GFRA1: variants seen among roughly 807,000 people sequenced by gnomAD.
The protein encoded by GFRA1 is GDNF family receptor alpha 1.
A neutral mutation model predicts 51.6 loss-of-function variants in GFRA1; 16 were observed. The observed-to-expected ratio is 0.31, with a 90% CI of 0.21 to 0.47. The LOEUF (loss-of-function observed/expected upper bound fraction) is 0.47. Ranked by LOEUF, GFRA1 falls within the 20% of genes least tolerant of loss-of-function variation. The pLI is 1.00. For synonymous variants in GFRA1, 270 were observed against 241.3 expected (o/e 1.12, Z -1.10); for missense variants, 530 against 594.3 (o/e 0.89, Z 1.13).
At chr10:116,088,360 T>C (rs1444620233) in intron 9 of GFRA1, among the ~76,000 whole-genome samples, 1 of 152,108 alleles carries the variant, frequency 6.6e-6, no homozygotes, top group Non-Finnish European at 1.5e-5. Context: ...GCTTGGCACA[T>C]AGGCCACCAA....
intron 6 of GFRA1, among the ~76,000 whole-genome samples, chr10:116,111,797 A>G (rs1315106096): frequency 6.6e-6 from 1 of 152,210 alleles, no homozygotes; most frequent in African/African-American, 2.4e-5. Flanking sequence ...TCATGAATAG[A>G]AAACAAATCC....
intron 6 of GFRA1, among the ~76,000 whole-genome samples, chr10:116,123,081 G>A (rs796918472): frequency 2.0e-5 from 3 of 152,190 alleles, no homozygotes; most frequent in East Asian, 1.9e-4. Flanking sequence ...GCTGGACCCC[G>A]AGCAAAGCTC....
At chr10:116,192,907 T>A (rs1311823250) in intron 5 of GFRA1, among the ~76,000 whole-genome samples, 2 of 152,174 alleles carry the variant, frequency 1.3e-5, no homozygotes. Flanking sequence ...CTATACTTTA[T>A]GCTTCCTTTG....
At chr10:116,173,971 T>C (rs1470658800) in intron 5 of GFRA1, among the ~76,000 whole-genome samples, 1 of 151,982 alleles carries the variant, frequency 6.6e-6, no homozygotes, top group Non-Finnish European at 1.5e-5. Flanking sequence ...TCCCAGCTAC[T>C]TGGGAGGCTG....
At chr10:116,230,950 G>A (rs76967914) in intron 4 of GFRA1, among the ~76,000 whole-genome samples, 3,971 of 152,260 alleles carry the variant, frequency 0.026, 73 homozygotes, top group South Asian at 0.045. Context: ...TCTTAGGAGA[G>A]AAGAGAATGA....
intron 6 of GFRA1, among the ~76,000 whole-genome samples, chr10:116,100,558 A>T (rs1956779524): frequency 6.6e-6 from 1 of 152,234 alleles, no homozygotes; most frequent in African/African-American, 2.4e-5. Flanking sequence ...GAGGTCTTGA[A>T]AGCCTTTGAA....
intron 4 of GFRA1, among the ~76,000 whole-genome samples, chr10:116,220,979 G>T (rs1965884463): frequency 6.6e-6 from 1 of 152,064 alleles, no homozygotes; most frequent in Non-Finnish European, 1.5e-5. Flanking sequence ...TAACTAAGCT[G>T]AAAGGACCAT....
chr10:116,165,185 A>C (rs909770215), intron 5 of GFRA1, among the ~76,000 whole-genome samples: 2 of 152,162 alleles, frequency 1.3e-5, no homozygotes, highest in African/African-American at 4.8e-5. Context: ...CTTAAGTCTC[A>C]TTCTGCCTTT....
intron 5 of GFRA1, among the ~76,000 whole-genome samples, chr10:116,196,910 T>A (rs905870406): frequency 1.4e-5 from 2 of 147,994 alleles, no homozygotes; most frequent in African/African-American, 5.0e-5. Context: ...AGGAGGGCCA[T>A]GCTGAAGGTT....
intron 4 of GFRA1, among the ~76,000 whole-genome samples, chr10:116,240,605 A>T (rs973614626): frequency 6.6e-6 from 1 of 152,206 alleles, no homozygotes. Flanking sequence ...GTGGGAAATG[A>T]CTAGAAAGGA....
At chr10:116,152,763 A>C (rs1762900680) in intron 5 of GFRA1, among the ~76,000 whole-genome samples, 1 of 152,236 alleles carries the variant, frequency 6.6e-6, no homozygotes, top group African/African-American at 2.4e-5. Flanking sequence ...TGATGTTTCA[A>C]ACTCACACAC....
In GFRA1 at chr10:116,271,978, G is replaced by A. The variant is rs1418567553; in HGVS notation, c.40+12C>T. On this transcript the variant is annotated intron_variant, in intron 2 of 10. Coordinates refer to ENST00000355422, the MANE Select transcript of GFRA1 (RefSeq NM_005264.8). The stretch of plus-strand genomic sequence containing the variant: ...CAGAGGGTAAGAAAGCCCGCGGCGG[G>A]CCTCGACTTACCCAAGAGCGGCAGC... 6.4e-7 allele frequency: 1 copy of A among 1,552,518 alleles called. No individual in the cohort carries two copies. The highest frequency in any genetic ancestry group is 8.7e-7 in the Non-Finnish European group (1 of 1,147,318).
intron 6 of GFRA1, among the ~76,000 whole-genome samples, chr10:116,119,374 A>G (rs1957555368): frequency 6.6e-6 from 1 of 152,130 alleles, no homozygotes; most frequent in Non-Finnish European, 1.5e-5. Context: ...AGCACTCCGA[A>G]TGCATTGCTA....
chr10:116,138,827 G>T (rs1370133377), intron 5 of GFRA1, among the ~76,000 whole-genome samples: 3 of 152,078 alleles, frequency 2.0e-5, no homozygotes, highest in Admixed American at 1.3e-4. Context: ...CTTTAAATTG[G>T]TTCCAATACA....
intron 5 of GFRA1, among the ~76,000 whole-genome samples, chr10:116,204,580 T>A (rs553568061): frequency 2.0e-5 from 3 of 152,156 alleles, no homozygotes; most frequent in African/African-American, 7.2e-5. Flanking sequence ...TCTAGTGCCA[T>A]AAGTATTACA....
chr10:116,171,950 A>T (rs1961070761), intron 5 of GFRA1, among the ~76,000 whole-genome samples: 1 of 152,170 alleles, frequency 6.6e-6, no homozygotes. Context: ...CAATCATTGC[A>T]TGCCCAGCTT....
At chr10:116,200,301 C>T (rs1217548969) in intron 5 of GFRA1, among the ~76,000 whole-genome samples, 1 of 152,194 alleles carries the variant, frequency 6.6e-6, no homozygotes, top group African/African-American at 2.4e-5. Flanking sequence ...CTGTTCCCTT[C>T]AAGATGACTA....
In GFRA1 at chr10:116,196,763, T is replaced by C. The variant is rs1204944647; in HGVS notation, c.433+14868A>G. Among the ~76,000 whole-genome samples the C allele has an allele frequency of 4.9e-5, 2 of 40,632 alleles. 1 individual carries two copies. The highest frequency in any genetic ancestry group is 2.0e-3 in the South Asian group (2 of 1,006). 26.7% of individuals were successfully genotyped at this position (40,632 alleles called of 152,430 possible). On this transcript the variant is annotated intron_variant, in intron 5 of 10. Coordinates refer to ENST00000355422, the MANE Select transcript of GFRA1 (RefSeq NM_005264.8). Reference sequence around the variant, plus strand: ...TATATATAATATATATTATATATTATATATATAATACTGTATATAATATAA... The same window carrying C: ...TATATATAATATATATTATATATTACATATATAATACTGTATATAATATAA...
In GFRA1 at chr10:116,078,843, A is replaced by G. The variant is rs115616750; in HGVS notation, c.1197+10898T>C. On this transcript the variant is annotated intron_variant, in intron 9 of 10. Coordinates refer to ENST00000355422, the MANE Select transcript of GFRA1 (RefSeq NM_005264.8). Reference sequence around the variant, plus strand: ...TTCTCTTAGATAAAAGGCCCAGGCAATGGTATCCACGTTGCTACCGTCATT... The same window carrying G: ...TTCTCTTAGATAAAAGGCCCAGGCAGTGGTATCCACGTTGCTACCGTCATT... Among the ~76,000 whole-genome samples the G allele has an allele frequency of 5.3e-3, 807 of 152,302 alleles. 6 individuals carry two copies. The highest frequency in any genetic ancestry group is 0.018 in the African/African-American group (754 of 41,570).
Sources: allele counts gnomAD v4.1 joint callset (sites outside exome capture counted in the v4.1 genomes callset), GRCh38; gene constraint gnomAD v4.1.1; transcripts MANE v1.5; gene names NCBI Gene and HGNC (gene_info 2026-07-23, HGNC 2026-07-21).